The following LRRTM4 variants were observed in gnomAD, a reference collection of about 807,000 sequenced individuals.
LRRTM4 encodes leucine rich repeat transmembrane neuronal 4.
LRRTM4 carries 25 observed loss-of-function variants against 47.6 expected under a neutral mutation model. The ratio of observed to expected loss-of-function variants is 0.53; its 90% CI spans 0.38 to 0.73. LRRTM4 has a LOEUF of 0.73. Ranked by LOEUF, LRRTM4 falls within the 30% of genes least tolerant of loss-of-function variation. The pLI, the probability that LRRTM4 is intolerant of heterozygous loss-of-function variation, is 0.00. For synonymous variants in LRRTM4, 311 were observed against 269.5 expected, an observed-to-expected ratio of 1.15 and a Z score of -1.51; for missense variants, 638 against 713.4, an observed-to-expected ratio of 0.89 and a Z score of 1.20.
chr2:77,054,291 G>C (rs968451690), intron 3 of LRRTM4, among the ~76,000 whole-genome samples: 2 of 152,086 alleles, frequency 1.3e-5, no homozygotes, highest in Admixed American at 1.3e-4. Flanking sequence ...AAATAAATTG[G>C]TTGAAAATTA....
chr2:77,078,857 A>G (rs1471994191), intron 3 of LRRTM4, among the ~76,000 whole-genome samples: 2 of 152,170 alleles, frequency 1.3e-5, no homozygotes, highest in African/African-American at 4.8e-5. Context: ...TGTATTCCTC[A>G]CAGTTCTGGT....
intron 3 of LRRTM4, among the ~76,000 whole-genome samples, chr2:77,242,132 A>T (rs1675284884): frequency 6.6e-6 from 1 of 152,166 alleles, no homozygotes; most frequent in Non-Finnish European, 1.5e-5. Context: ...GTTGCTTCAG[A>T]TTCCATATAA....
chr2:76,810,088 G>C (rs368243773), intron 3 of LRRTM4, among the ~76,000 whole-genome samples: 125 of 152,182 alleles, frequency 8.2e-4, no homozygotes, highest in African/African-American at 2.7e-3. Flanking sequence ...TCCCCTACTA[G>C]AATGTAAATG....
At chr2:77,214,279 C>T (rs1674376520) in intron 3 of LRRTM4, among the ~76,000 whole-genome samples, 1 of 152,198 alleles carries the variant, frequency 6.6e-6, no homozygotes, top group Admixed American at 6.5e-5. Context: ...CTTATCCTAA[C>T]TCTGCATATT....
At chr2:77,358,978 T>C (rs1481912713) in intron 3 of LRRTM4, among the ~76,000 whole-genome samples, 4 of 152,200 alleles carry the variant, frequency 2.6e-5, no homozygotes, top group African/African-American at 4.8e-5. Context: ...TCTTATTGAA[T>C]GATGAAAGAA....
intron 3 of LRRTM4, among the ~76,000 whole-genome samples, chr2:77,458,406 G>A (rs959199144): frequency 3.5e-4 from 53 of 152,038 alleles, no homozygotes; most frequent in African/African-American, 1.2e-3. Flanking sequence ...TTTAGAGCTG[G>A]CACCACTCTC....
chr2:76,997,704 C>T (rs1443236291), intron 3 of LRRTM4, among the ~76,000 whole-genome samples: 1 of 152,090 alleles, frequency 6.6e-6, no homozygotes, highest in Non-Finnish European at 1.5e-5. Context: ...CCCCAACTCC[C>T]AGGTCACAGA....
At chr2:77,029,417 TA>T (rs1390036589) in intron 3 of LRRTM4, among the ~76,000 whole-genome samples, 2 of 152,086 alleles carry the variant, frequency 1.3e-5, no homozygotes, top group African/African-American at 4.8e-5. Context: ...ACCATTCGTG[TA>T]AGTCCAAGAG....
chr2:77,002,145 C>T (rs1422606069), intron 3 of LRRTM4, among the ~76,000 whole-genome samples: 1 of 152,072 alleles, frequency 6.6e-6, no homozygotes, highest in Non-Finnish European at 1.5e-5. Context: ...TATTGTGAGT[C>T]CCCTGTTTTC....
chr2:76,887,704 T>C (rs1673122745), intron 3 of LRRTM4, among the ~76,000 whole-genome samples: 1 of 150,370 alleles, frequency 6.7e-6, no homozygotes, highest in Non-Finnish European at 1.5e-5. Context: ...TGGGATTCAA[T>C]GGGAGATAAA....
intron 3 of LRRTM4, among the ~76,000 whole-genome samples, chr2:77,042,331 C>T (rs555700089): frequency 1.1e-4 from 17 of 151,638 alleles, no homozygotes; most frequent in African/African-American, 4.1e-4. Flanking sequence ...ATTAACACTG[C>T]AAAACTACAG....
chr2:77,284,165 T>C (rs1457013549), intron 3 of LRRTM4, among the ~76,000 whole-genome samples: 2 of 152,048 alleles, frequency 1.3e-5, no homozygotes, highest in Non-Finnish European at 2.9e-5. Context: ...AGTTAATAGA[T>C]AATAGTTACA....
At chr2:76,918,241 T>TA (rs888367314) in intron 3 of LRRTM4, among the ~76,000 whole-genome samples, 4 of 152,292 alleles carry the variant, frequency 2.6e-5, no homozygotes, top group African/African-American at 9.6e-5. Context: ...CTTCAGTTGC[T>TA]AAAAAAGGAT....
At chr2:76,798,272 A>C (rs1008172110) in intron 3 of LRRTM4, among the ~76,000 whole-genome samples, 1 of 152,218 alleles carries the variant, frequency 6.6e-6, no homozygotes, top group African/African-American at 2.4e-5. Context: ...AGTGCAATTA[A>C]AATAGAACTC....
At chr2:76,793,562 C>T (rs954665050) in intron 3 of LRRTM4, among the ~76,000 whole-genome samples, 3 of 151,182 alleles carry the variant, frequency 2.0e-5, no homozygotes, top group African/African-American at 7.3e-5. Context: ...GAGAAGCCCC[C>T]TGGTAATAAT....
intron 3 of LRRTM4, among the ~76,000 whole-genome samples, chr2:77,199,652 T>C (rs1353021822): frequency 6.6e-6 from 1 of 152,168 alleles, no homozygotes; most frequent in African/African-American, 2.4e-5. Context: ...AGAATCTTCA[T>C]AGTGTCTGTT....
At chr2:77,156,411 T>C (rs1442025570) in intron 3 of LRRTM4, among the ~76,000 whole-genome samples, 1 of 151,524 alleles carries the variant, frequency 6.6e-6, no homozygotes, top group African/African-American at 2.4e-5. Flanking sequence ...TTAAGATTCA[T>C]CCACAGGAAA....
intron 3 of LRRTM4, among the ~76,000 whole-genome samples, chr2:77,433,356 T>C (rs979349425): frequency 2.6e-5 from 4 of 152,104 alleles, no homozygotes; most frequent in African/African-American, 9.7e-5. Flanking sequence ...AGGGAGGCTA[T>C]AATATTATAT....
intron 3 of LRRTM4, among the ~76,000 whole-genome samples, chr2:77,490,656 T>C (rs1291472845): frequency 6.6e-6 from 1 of 151,696 alleles, no homozygotes; most frequent in African/African-American, 2.4e-5. Flanking sequence ...TAGGGGAAGA[T>C]GATAAATCAT....
Sources: gnomAD v4.1 joint callset for allele counts (sites outside exome capture counted in the v4.1 genomes callset) on GRCh38, gnomAD v4.1.1 for gene constraint, MANE v1.5 for transcripts, NCBI Gene and HGNC (gene_info 2026-07-23, HGNC 2026-07-21) for gene names.